Variants in AP3B2 observed in about 807,000 individuals in gnomAD.
The protein encoded by AP3B2 is AP-3 complex subunit beta-2.
AP3B2 carries 50 observed loss-of-function variants against 126.9 expected under a neutral mutation model. The ratio of observed to expected loss-of-function variants is 0.39; its 90% confidence interval spans 0.31 to 0.50. The LOEUF is 0.50. Ranked by LOEUF, AP3B2 falls within the 20% of genes least tolerant of loss-of-function variation. The probability of loss-of-function intolerance (pLI) is 0.79; values close to 1 mark genes in which losing one functional copy is unlikely to be tolerated. For synonymous variants in AP3B2, 541 were observed against 565.0 expected (o/e 0.96, Z 0.60); for missense variants, 1,177 against 1,426.4 (o/e 0.83, Z 2.82).
intron 4 of AP3B2, chr15:82,688,366 A>G: frequency 2.9e-6 from 2 of 698,386 alleles, no homozygotes; most frequent in East Asian, 2.7e-5. Context: ...GTTGAAATCT[A>G]CCTGGCTGTG....
rs1174879399 is a variant in AP3B2, at chr15:82,665,172, G to A, written c.2028+75C>T. The stretch of plus-strand genomic sequence containing the variant: ...GGAAACAGAGTATGGGAAGGCCCAG[G>A]AGCACAACACACAGGGGAAGAAGAG... On this transcript the variant is annotated intron_variant, in intron 17 of 26. Coordinates refer to ENST00000535359, the MANE Select transcript of AP3B2 (RefSeq NM_001278512.2). The surrounding 1 kb of genome is among the most constrained non-coding windows in gnomAD (Gnocchi z 4.4). The A allele has an allele frequency of 6.8e-7, 1 of 1,470,572 alleles. No individual in the cohort carries two copies. The highest frequency in any genetic ancestry group is 2.0e-5 in the Admixed American group (1 of 50,714). 91.1% of individuals were successfully genotyped at this position (1,470,572 alleles called of 1,614,324 possible).
chr15:82,682,624 G>A (rs1216197455), intron 4 of AP3B2, among the ~76,000 whole-genome samples: 2 of 151,892 alleles, frequency 1.3e-5, no homozygotes, highest in Admixed American at 1.3e-4. Context: ...GCTGAAGTGG[G>A]AGAATCACTT....
At chr15:82,696,492 C>T (rs1199197876) in intron 1 of AP3B2, among the ~76,000 whole-genome samples, 1 of 152,100 alleles carries the variant, frequency 6.6e-6, no homozygotes, top group Non-Finnish European at 1.5e-5. Flanking sequence ...GAACGAGAAT[C>T]GCTTGAACCC....
chr15:82,705,890 C>G (rs1020423438), intron 1 of AP3B2, among the ~76,000 whole-genome samples: 5 of 152,172 alleles, frequency 3.3e-5, no homozygotes, highest in Admixed American at 2.0e-4. Flanking sequence ...CCCCACAGAT[C>G]CTAAATCCTT....
intron 1 of AP3B2, among the ~76,000 whole-genome samples, chr15:82,703,145 G>A (rs570578247): frequency 2.6e-5 from 4 of 152,270 alleles, no homozygotes; most frequent in East Asian, 3.9e-4. Flanking sequence ...TAATCACTGC[G>A]GGGACGCCTG....
At position 82,680,335 on chromosome 15, in the gene AP3B2, G is replaced by T; in HGVS notation, c.1056-106C>A. ...GTCGTTGCGGGGAGAGGACCAGTGC[G>T]GAGGGCAGGACTACGGTCAGTGTGG... On this transcript the variant is annotated intron_variant, in intron 8 of 26. Coordinates refer to ENST00000535359, the MANE Select transcript of AP3B2 (RefSeq NM_001278512.2). This position sits in a 1 kb window ranked among gnomAD's most constrained non-coding sequence, Gnocchi z 6.1. 1.9e-6 allele frequency: 3 copies of T among 1,544,334 alleles called. No homozygotes were observed. Among genetic ancestry groups the T allele is most frequent in the Non-Finnish European group, 2.6e-6 (3 of 1,137,674 alleles).
chr15:82,691,791 T>G, intron 1 of AP3B2: 2 of 1,532,580 alleles, frequency 1.3e-6, no homozygotes, highest in Non-Finnish European at 1.8e-6. Context: ...TCACGGCCCC[T>G]TGACCCAAAC....
At position 82,681,232 on chromosome 15, in the gene AP3B2, A is replaced by G. The variant is rs1567266353; in HGVS notation, c.522-54T>C. 2.5e-6 allele frequency: 4 copies of G among 1,571,596 alleles called. No individual in the cohort carries two copies. The highest frequency in any genetic ancestry group is 2.7e-5 in the African/African-American group (2 of 73,886). On this transcript the variant is annotated intron_variant, in intron 5 of 26. Transcript: ENST00000535359. This position sits in a 1 kb window ranked among gnomAD's most constrained non-coding sequence, Gnocchi z 4.0. ...GCCACTCTCAGCCCCAGCCTTCCCA[A>G]TATCTGTCCAAGCCATGCTCACCTC...
At chr15:82,668,933 C>A (rs1156393784) in intron 14 of AP3B2, among the ~76,000 whole-genome samples, 1 of 152,228 alleles carries the variant, frequency 6.6e-6, no homozygotes, top group Non-Finnish European at 1.5e-5. Flanking sequence ...TTGCAGATGC[C>A]TGCTAATCAT....
chr15:82,698,574 G>A (rs1449464244), intron 1 of AP3B2, among the ~76,000 whole-genome samples: 1 of 151,878 alleles, frequency 6.6e-6, no homozygotes, highest in Non-Finnish European at 1.5e-5. Flanking sequence ...TCACCAAAAT[G>A]GTCAGTGGAC....
At chr15:82,670,118 G>T (rs1444823293) in intron 14 of AP3B2, among the ~76,000 whole-genome samples, 2 of 136,330 alleles carry the variant, frequency 1.5e-5, no homozygotes, top group Admixed American at 7.2e-5. Context: ...TTTTTGGCGG[G>T]GGGGGACGAA....
At chr15:82,695,010 C>T (rs1350988749) in intron 1 of AP3B2, among the ~76,000 whole-genome samples, 1 of 151,774 alleles carries the variant, frequency 6.6e-6, no homozygotes, top group Non-Finnish European at 1.5e-5. Flanking sequence ...GTGAGAGGAA[C>T]AACTGACATG....
chr15:82,705,758 C>T (rs113597102), intron 1 of AP3B2, among the ~76,000 whole-genome samples: 3,552 of 152,234 alleles, frequency 0.023, 115 homozygotes, highest in African/African-American at 0.079. Context: ...AACCCCAATC[C>T]CTTCTACAAA....
At chr15:82,668,096 C>G (rs776754404) in intron 14 of AP3B2, among the ~76,000 whole-genome samples, 6 of 152,212 alleles carry the variant, frequency 3.9e-5, no homozygotes, top group Non-Finnish European at 8.8e-5. Flanking sequence ...GGACATCAAG[C>G]AGATGTCCAT....
At chr15:82,689,684 T>G (rs2048491256) in intron 1 of AP3B2, 2 of 563,190 alleles carry the variant, frequency 3.6e-6, no homozygotes, top group Non-Finnish European at 6.4e-6. Context: ...TATTTAAGTC[T>G]TAACCCCTAG....
chr15:82,677,556 C>A, intron 12 of AP3B2, 115 bp downstream of exon 12: 1 of 1,415,622 alleles, frequency 7.1e-7, no homozygotes, highest in South Asian at 1.4e-5. Flanking sequence ...ACAGACAGAC[C>A]AATGGATACA....
At chr15:82,708,308 C>CT (rs974274344) in intron 1 of AP3B2, among the ~76,000 whole-genome samples, 23 of 152,072 alleles carry the variant, frequency 1.5e-4, no homozygotes, top group African/African-American at 4.8e-4. Context: ...TTCGCTGACT[C>CT]TTTTTTCGGA....
intron 1 of AP3B2, among the ~76,000 whole-genome samples, chr15:82,703,401 TCTCTCCGTGTCTCTACC>T (rs972795695): frequency 6.6e-6 from 1 of 151,620 alleles, no homozygotes; most frequent in Non-Finnish European, 1.5e-5. Context: ...CCCCACCCCT[TCTCTCCGTGTCTCTACC>T]CTCTCTTTTC....
chr15:82,704,135 C>T (rs1431049933), intron 1 of AP3B2, among the ~76,000 whole-genome samples: 3 of 152,174 alleles, frequency 2.0e-5, no homozygotes, highest in African/African-American at 7.2e-5. Context: ...AGTATTTAGG[C>T]TCTTTTTCAT....
Sources: gnomAD v4.1 joint callset for allele counts (sites outside exome capture counted in the v4.1 genomes callset) on GRCh38, gnomAD v4.1.1 for gene constraint, Gnocchi (gnomAD v3.1) non-coding constraint, MANE v1.5 for transcripts, NCBI Gene and HGNC (gene_info 2026-07-23, HGNC 2026-07-21) for gene names.